The following PIP5K1B variants were observed in gnomAD, a reference collection of about 807,000 sequenced individuals.
PIP5K1B encodes the protein phosphatidylinositol 4-phosphate 5-kinase type-1 beta.
A neutral mutation model predicts 67.0 loss-of-function variants in PIP5K1B; 42 were observed. The observed-to-expected ratio is 0.63, with a 90% CI of 0.49 to 0.81. The LOEUF (loss-of-function observed/expected upper bound fraction) is 0.81. PIP5K1B is among the 30% of genes least tolerant of loss of function. The pLI, the probability that PIP5K1B is intolerant of heterozygous loss-of-function variation, is 0.00. For missense variants in PIP5K1B, 459 were observed against 646.3 expected, an observed-to-expected ratio of 0.71 and a Z score of 3.14; for synonymous variants, 214 against 231.4, an observed-to-expected ratio of 0.92 and a Z score of 0.68.
chr9:68,982,686 C>T (rs1400128906), intron 14 of PIP5K1B, among the ~76,000 whole-genome samples: 3 of 151,816 alleles, frequency 2.0e-5, no homozygotes, highest in South Asian at 2.1e-4. Context: ...CGCTTAAGCC[C>T]GGGAGGTGGA....
intron 8 of PIP5K1B, 56 bp from the exon 9 acceptor site, chr9:68,917,492 G>A: frequency 8.1e-7 from 1 of 1,232,504 alleles, no homozygotes; most frequent in Non-Finnish European, 1.2e-6. Flanking sequence ...ATAATGAGTA[G>A]ATGAGACGAA....
intron 2 of PIP5K1B, among the ~76,000 whole-genome samples, chr9:68,753,515 C>CTTTTTTTTTTT (rs71500334): frequency 5.2e-5 from 2 of 38,282 alleles, no homozygotes; most frequent in Non-Finnish European, 8.4e-5. Context: ...AATTTTGTTT[C>CTTTTTTTTTTT]TTTTTTTTTT....
chr9:68,841,025 G>C (rs1821894477), intron 4 of PIP5K1B, among the ~76,000 whole-genome samples: 1 of 152,060 alleles, frequency 6.6e-6, no homozygotes, highest in East Asian at 1.9e-4. Flanking sequence ...GTGATCCTGA[G>C]GTGTAGACAT....
At chr9:68,889,452 T>G (rs2132383644) in intron 7 of PIP5K1B, among the ~76,000 whole-genome samples, 1 of 152,174 alleles carries the variant, frequency 6.6e-6, no homozygotes, top group African/African-American at 2.4e-5. Context: ...GAGAAATACG[T>G]GGCCAGGCGT....
intron 4 of PIP5K1B, among the ~76,000 whole-genome samples, chr9:68,840,357 A>G (rs1239488524): frequency 6.6e-6 from 1 of 152,050 alleles, no homozygotes; most frequent in Admixed American, 6.5e-5. Flanking sequence ...AGCCTGGGCA[A>G]CAGGAATGAA....
chr9:68,714,616 C>T (rs536597772), intron 1 of PIP5K1B, among the ~76,000 whole-genome samples: 11 of 152,262 alleles, frequency 7.2e-5, no homozygotes, highest in East Asian at 1.9e-4. Context: ...CAAACCCTCA[C>T]GGAAGCACAC....
At chr9:68,870,611 G>A (rs980168495) in intron 5 of PIP5K1B, among the ~76,000 whole-genome samples, 1 of 152,200 alleles carries the variant, frequency 6.6e-6, no homozygotes, top group African/African-American at 2.4e-5. Context: ...AGACTGCTGT[G>A]TACGAAGGTC....
chr9:68,969,299 C>T (rs1188168489), intron 14 of PIP5K1B, among the ~76,000 whole-genome samples: 3 of 145,644 alleles, frequency 2.1e-5, no homozygotes, highest in Non-Finnish European at 3.0e-5. Context: ...ACCCAGGAGC[C>T]GGGGCTTGCA....
At chr9:68,979,806 C>G (rs1279982984) in intron 14 of PIP5K1B, among the ~76,000 whole-genome samples, 4 of 152,172 alleles carry the variant, frequency 2.6e-5, no homozygotes, top group Non-Finnish European at 5.9e-5. Context: ...CAGGAGAGAG[C>G]CTGCTGCTCT....
intron 2 of PIP5K1B, among the ~76,000 whole-genome samples, chr9:68,813,811 C>A (rs563923305): frequency 5.3e-5 from 8 of 152,220 alleles, no homozygotes; most frequent in South Asian, 2.1e-4. Context: ...TGGCTACCAC[C>A]AGAAGCTAAA....
intron 13 of PIP5K1B, among the ~76,000 whole-genome samples, chr9:68,940,220 A>G (rs1207328402): frequency 6.6e-6 from 1 of 152,130 alleles, no homozygotes; most frequent in Non-Finnish European, 1.5e-5. Flanking sequence ...GGGTTCTTAG[A>G]TCCAACCTGA....
rs75052039 is a variant in PIP5K1B at position 68,880,234 on chromosome 9, T to A, written c.318+3440T>A. On this transcript the variant is annotated intron_variant, in intron 6 of 15. Transcript: ENST00000265382. ...GTGTTAATTTCACAATTCTTTTCGC[T>A]TTTATGTACGTAAATATAACTTAAA... 3.5e-3 allele frequency among the ~76,000 whole-genome samples: 532 copies of A among 152,308 alleles called. 1 individual carries two copies. The highest frequency in any genetic ancestry group is 6.4e-3 in the Non-Finnish European group (435 of 68,036).
At chr9:68,778,758 T>C (rs1831052921) in intron 2 of PIP5K1B, among the ~76,000 whole-genome samples, 1 of 152,232 alleles carries the variant, frequency 6.6e-6, no homozygotes, top group South Asian at 2.1e-4. Flanking sequence ...TTTCATCATA[T>C]TCAGAATGAG....
At chr9:68,799,565 T>C (rs1344183793) in intron 2 of PIP5K1B, among the ~76,000 whole-genome samples, 1 of 151,186 alleles carries the variant, frequency 6.6e-6, no homozygotes, top group South Asian at 2.1e-4. Context: ...TAAAATAGAA[T>C]AGAGGCCCCA....
At chr9:68,717,412 C>A (rs1033934959) in intron 1 of PIP5K1B, among the ~76,000 whole-genome samples, 1 of 152,100 alleles carries the variant, frequency 6.6e-6, no homozygotes, top group Non-Finnish European at 1.5e-5. Context: ...GAGAAAAATA[C>A]CAACTTGTCT....
At chr9:68,835,820 C>G (rs1387212471) in intron 4 of PIP5K1B, among the ~76,000 whole-genome samples, 5 of 147,570 alleles carry the variant, frequency 3.4e-5, no homozygotes, top group Non-Finnish European at 7.4e-5. Flanking sequence ...TTTAAAAAGC[C>G]TGTGCCTAGA....
At chr9:68,800,983 G>T (rs559200033) in intron 2 of PIP5K1B, among the ~76,000 whole-genome samples, 1 of 152,314 alleles carries the variant, frequency 6.6e-6, no homozygotes, top group African/African-American at 2.4e-5. Context: ...TAGGAAAAGT[G>T]TCGATCCAAG....
At chr9:68,982,561 A>G (rs1829925093) in intron 14 of PIP5K1B, among the ~76,000 whole-genome samples, 1 of 152,196 alleles carries the variant, frequency 6.6e-6, no homozygotes, top group South Asian at 2.1e-4. Context: ...GTTCAAGACC[A>G]GCCTGGCCAA....
chr9:68,994,026 T>G (rs1476962120), intron 15 of PIP5K1B, among the ~76,000 whole-genome samples: 1 of 149,056 alleles, frequency 6.7e-6, no homozygotes, highest in Non-Finnish European at 1.5e-5. Context: ...TCTTTCACTG[T>G]TTTTTCCTGA....
Sources: allele counts gnomAD v4.1 joint callset (sites outside exome capture counted in the v4.1 genomes callset), GRCh38; gene constraint gnomAD v4.1.1; transcripts MANE v1.5; gene names NCBI Gene and HGNC (gene_info 2026-07-23, HGNC 2026-07-21).